CDH13: variants seen among roughly 807,000 people sequenced by gnomAD.
CDH13 encodes the protein cadherin-13.
CDH13 carries 24 observed loss-of-function variants against 63.8 expected under a neutral mutation model. The ratio of observed to expected loss-of-function variants is 0.38; its 90% CI spans 0.27 to 0.53. The LOEUF is 0.53. Ranked by LOEUF, CDH13 falls within the 20% of genes least tolerant of loss-of-function variation. CDH13 has a pLI of 0.85. For synonymous variants in CDH13, 503 were observed against 355.3 expected (o/e 1.42, Z -4.67); for missense variants, 1,049 against 903.1 (o/e 1.16, Z -2.07).
intron 2 of CDH13, among the ~76,000 whole-genome samples, chr16:82,926,435 A>G (rs2042306230): frequency 6.6e-6 from 1 of 152,236 alleles, no homozygotes; most frequent in Admixed American, 6.5e-5. Context: ...TTTGCATTAT[A>G]AACCTTGCCC....
intron 2 of CDH13, among the ~76,000 whole-genome samples, chr16:82,979,773 C>T (rs1402465499): frequency 6.6e-6 from 1 of 152,150 alleles, no homozygotes; most frequent in Admixed American, 6.5e-5. Flanking sequence ...GAGCTTTTTC[C>T]TGCCTTGCTT....
chr16:82,763,301 C>G (rs1321167496), intron 1 of CDH13, among the ~76,000 whole-genome samples: 1 of 152,230 alleles, frequency 6.6e-6, no homozygotes, highest in African/African-American at 2.4e-5. Context: ...TTTGCTTTTT[C>G]TTCACAGCAC....
At chr16:83,648,394 AGAAGGTAAGG>A (rs1335783817) in intron 8 of CDH13, among the ~76,000 whole-genome samples, 1 of 152,160 alleles carries the variant, frequency 6.6e-6, no homozygotes, top group Non-Finnish European at 1.5e-5. Flanking sequence ...AACTGTAGCA[AGAAGGTAAGG>A]CTTCATGGTA....
chr16:83,775,872 G>C (rs1000501821), intron 11 of CDH13, among the ~76,000 whole-genome samples: 2 of 152,156 alleles, frequency 1.3e-5, no homozygotes, highest in Admixed American at 1.3e-4. Flanking sequence ...GAACAGAGGG[G>C]TGAGGGATTT....
rs1417399338 is a variant in CDH13 at position 82,903,941 on chromosome 16, T to A, written c.157+45468T>A. Among the ~76,000 whole-genome samples, 7 of 152,316 alleles carry A rather than the reference T, an allele frequency of 4.6e-5. No homozygotes were observed. In the East Asian group the frequency reaches 1.4e-3, roughly 29 times the overall value. On this transcript the variant is annotated intron_variant, in intron 2 of 13. Coordinates refer to ENST00000567109, the MANE Select transcript of CDH13 (RefSeq NM_001257.5). The stretch of plus-strand genomic sequence containing the variant: ...TGCTCTAAAGCCCAGTCTGTCTGTC[T>A]GCTTCTCTGTATGTCTCTCTTTTTC...
chr16:83,059,451 C>A (rs1188725292), intron 3 of CDH13, among the ~76,000 whole-genome samples: 3 of 152,160 alleles, frequency 2.0e-5, no homozygotes, highest in Non-Finnish European at 4.4e-5. Flanking sequence ...TCAAAAAGAA[C>A]TGTCCAGTGC....
intron 1 of CDH13, among the ~76,000 whole-genome samples, chr16:82,811,379 G>C (rs779429247): frequency 1.3e-5 from 2 of 152,116 alleles, no homozygotes; most frequent in Non-Finnish European, 2.9e-5. Flanking sequence ...TTGGTGGCAG[G>C]TTTAGTAACT....
At chr16:82,996,115 G>A (rs769234987) in intron 2 of CDH13, among the ~76,000 whole-genome samples, 2 of 151,900 alleles carry the variant, frequency 1.3e-5, no homozygotes, top group Non-Finnish European at 1.5e-5. Context: ...TAAAACCTTC[G>A]GGCAGATGAA....
chr16:83,401,274 G>A (rs895327653), intron 6 of CDH13, among the ~76,000 whole-genome samples: 5 of 152,024 alleles, frequency 3.3e-5, no homozygotes, highest in African/African-American at 7.2e-5. Context: ...AGGAGGCAGA[G>A]GTTGCAGTAA....
At chr16:82,814,905 A>G (rs191051377) in intron 1 of CDH13, among the ~76,000 whole-genome samples, 1 of 152,202 alleles carries the variant, frequency 6.6e-6, no homozygotes, top group East Asian at 1.9e-4. Flanking sequence ...TCAGAGGATT[A>G]CCCGCTGGTG....
At chr16:82,941,295 C>A (rs369405298) in intron 2 of CDH13, among the ~76,000 whole-genome samples, 3 of 152,186 alleles carry the variant, frequency 2.0e-5, no homozygotes, top group East Asian at 3.8e-4. Flanking sequence ...TGCATGCCAA[C>A]TGGGATCTCC....
intron 1 of CDH13, among the ~76,000 whole-genome samples, chr16:82,795,767 G>A (rs1348628106): frequency 1.3e-5 from 2 of 152,074 alleles, no homozygotes; most frequent in African/African-American, 4.8e-5. Context: ...AACAATGGCT[G>A]TAGTGGTGCA....
chr16:82,920,806 T>C (rs1417903346), intron 2 of CDH13, among the ~76,000 whole-genome samples: 1 of 152,236 alleles, frequency 6.6e-6, no homozygotes, highest in Non-Finnish European at 1.5e-5. Context: ...GTTTCTGATG[T>C]TAAGTGGAAA....
At chr16:82,851,459 AAAAG>A (rs2039483501) in intron 1 of CDH13, among the ~76,000 whole-genome samples, 1 of 151,318 alleles carries the variant, frequency 6.6e-6, no homozygotes, top group Admixed American at 6.6e-5. Flanking sequence ...AAGAAAAAGA[AAAAG>A]AAAAAAGAAA....
At chr16:82,949,796 G>A (rs965279012) in intron 2 of CDH13, among the ~76,000 whole-genome samples, 2 of 152,046 alleles carry the variant, frequency 1.3e-5, no homozygotes, top group Non-Finnish European at 2.9e-5. Context: ...CAGCCTCTTT[G>A]TGTTAATTAT....
intron 1 of CDH13, among the ~76,000 whole-genome samples, chr16:82,629,399 A>G (rs1440774871): frequency 6.6e-6 from 1 of 152,242 alleles, no homozygotes; most frequent in Non-Finnish European, 1.5e-5. Flanking sequence ...ATAGTACCTC[A>G]CAGAGAAATC....
chr16:83,195,560 G>A (rs577368466), intron 4 of CDH13, among the ~76,000 whole-genome samples: 18 of 152,162 alleles, frequency 1.2e-4, no homozygotes, highest in East Asian at 1.2e-3. Flanking sequence ...ACTCTATCAC[G>A]AGAATAGCAC....
At chr16:82,796,135 G>A (rs1403135252) in intron 1 of CDH13, among the ~76,000 whole-genome samples, 1 of 152,110 alleles carries the variant, frequency 6.6e-6, no homozygotes, top group African/African-American at 2.4e-5. Context: ...TGTGTTAAAG[G>A]AGGAAACCAA....
chr16:83,541,294 C>A (rs2075291684), intron 7 of CDH13, among the ~76,000 whole-genome samples: 1 of 152,172 alleles, frequency 6.6e-6, no homozygotes, highest in South Asian at 2.1e-4. Flanking sequence ...TAAATGAATT[C>A]TTCTGATTGT....
Sources: gnomAD v4.1 joint callset for allele counts (sites outside exome capture counted in the v4.1 genomes callset) on GRCh38, gnomAD v4.1.1 for gene constraint, MANE v1.5 for transcripts, NCBI Gene and HGNC (gene_info 2026-07-23, HGNC 2026-07-21) for gene names.